Variants in FTCDNL1 observed in about 807,000 individuals in gnomAD.
FTCDNL1 encodes formiminotransferase cyclodeaminase N-terminal like, also known as formiminotransferase N-terminal subdomain-containing protein.
A neutral mutation model predicts 5.9 loss-of-function variants in FTCDNL1; 11 were observed. That is an observed-to-expected ratio of 1.87 (90% confidence interval 1.18 to 3.10). The LOEUF (loss-of-function observed/expected upper bound fraction) is 3.10. FTCDNL1 is among the 30% of genes most tolerant of loss of function. The pLI is 0.00. For synonymous variants in FTCDNL1, 58 were observed against 24.8 expected, an observed-to-expected ratio of 2.34 and a Z score of -3.99; for missense variants, 115 against 65.5, an observed-to-expected ratio of 1.76 and a Z score of -2.61.
chr2:199,732,827 C>A, the FTCDNL1 span, among the ~76,000 whole-genome samples: 7 of 152,176 alleles, frequency 4.6e-5, no homozygotes, highest in Non-Finnish European at 8.8e-5. Context: ...GATCAAGGGA[C>A]AATTAACTCT....
At chr2:199,827,406 T>G (rs541390724) in intron 3 of FTCDNL1, among the ~76,000 whole-genome samples, 1 of 152,282 alleles carries the variant, frequency 6.6e-6, no homozygotes, top group African/African-American at 2.4e-5. Flanking sequence ...TGAGCCATGT[T>G]AGATCCAGAT....
At chr2:199,672,972 C>A in the FTCDNL1 span, among the ~76,000 whole-genome samples, 1 of 152,048 alleles carries the variant, frequency 6.6e-6, no homozygotes, top group Non-Finnish European at 1.5e-5. Flanking sequence ...AAAGAATTTG[C>A]AGATTCTTTT....
rs1350307261 is a variant in FTCDNL1 at position 199,763,638 on chromosome 2, T to C, written c.212-2803A>G. 3.3e-5 allele frequency among the ~76,000 whole-genome samples: 5 copies of C among 152,240 alleles called. No individual in the cohort carries two copies. The East Asian group carries it at 9.7e-4, about 29-fold the overall frequency. ...GGATGAGACAACTTGGGGATTTGAA[T>C]GCCGAGACTATTTCATAGGGAAGGA... On this transcript the variant is annotated intron_variant, in intron 3 of 3. Transcript: ENST00000416668.
chr2:199,665,019 A>C, the FTCDNL1 span, among the ~76,000 whole-genome samples: 4 of 152,190 alleles, frequency 2.6e-5, no homozygotes, highest in African/African-American at 9.7e-5. Context: ...GTCCAAGTAC[A>C]CTCTCAACAT....
At chr2:199,793,137 T>C (rs913897003) in intron 3 of FTCDNL1, among the ~76,000 whole-genome samples, 1 of 152,184 alleles carries the variant, frequency 6.6e-6, no homozygotes, top group African/African-American at 2.4e-5. Context: ...TTGCTGCTCT[T>C]ATACATATGG....
chr2:199,791,423 G>C (rs1320841719), intron 3 of FTCDNL1, among the ~76,000 whole-genome samples: 1 of 151,976 alleles, frequency 6.6e-6, no homozygotes, highest in African/African-American at 2.4e-5. Context: ...TTTAAAAATA[G>C]AAAAATTTAA....
chr2:199,707,797 A>T, the FTCDNL1 span, among the ~76,000 whole-genome samples: 1 of 152,114 alleles, frequency 6.6e-6, no homozygotes, highest in Admixed American at 6.6e-5. Context: ...ATTTGTGAAC[A>T]GAAGTCTGCA....
chr2:199,679,066 C>G, the FTCDNL1 span, among the ~76,000 whole-genome samples: 4 of 152,128 alleles, frequency 2.6e-5, no homozygotes, highest in Non-Finnish European at 4.4e-5. Context: ...GAGGACCCAT[C>G]TTACCGGCAT....
exon 4 of FTCDNL1, chr2:199,760,715 T>C (rs1698229416): frequency 2.9e-6 from 2 of 693,776 alleles, no homozygotes; most frequent in Admixed American, 4.0e-5. Context: ...AATGGTACTG[T>C]GTGTTGGTTT....
At chr2:199,710,222 G>T in the FTCDNL1 span, among the ~76,000 whole-genome samples, 1 of 152,066 alleles carries the variant, frequency 6.6e-6, no homozygotes, top group African/African-American at 2.4e-5. Flanking sequence ...GATTTCACTA[G>T]TTAAAATGTG....
the FTCDNL1 span, among the ~76,000 whole-genome samples, chr2:199,737,922 G>C: frequency 1.3e-5 from 2 of 152,178 alleles, no homozygotes; most frequent in Non-Finnish European, 2.9e-5. Flanking sequence ...ACTTGAACCT[G>C]AGACATAAGG....
rs180793335 is a variant in FTCDNL1 at position 199,797,375 on chromosome 2, G to A, written c.212-36540C>T. The stretch of plus-strand genomic sequence containing the variant: ...GGTAGAAATACCTGAAATTTCATGC[G>A]TTTGAGTGTCTTAATTCTTTTTTTA... On this transcript the variant is annotated intron_variant, in intron 3 of 3. Coordinates refer to the FTCDNL1 transcript ENST00000416668. Among the ~76,000 whole-genome samples, 495 of 152,240 alleles carry A rather than the reference G, an allele frequency of 3.3e-3. 2 individuals are homozygous for A. The highest frequency in any genetic ancestry group is 9.3e-3 in the South Asian group (45 of 4,820).
At chr2:199,836,179 G>A (rs1263277043) in intron 3 of FTCDNL1, among the ~76,000 whole-genome samples, 1 of 151,960 alleles carries the variant, frequency 6.6e-6, no homozygotes, top group Non-Finnish European at 1.5e-5. Flanking sequence ...TTTGTTTTGT[G>A]TTTGAGATAG....
At chr2:199,735,115 G>GAAAAAAAA in the FTCDNL1 span, among the ~76,000 whole-genome samples, 2,091 of 81,470 alleles carry the variant, frequency 0.026, 88 homozygotes, top group East Asian at 0.14. Context: ...ACTACCTTTA[G>GAAAAAAAA]AAAAAAAAAA....
At chr2:199,731,865 G>T in the FTCDNL1 span, among the ~76,000 whole-genome samples, 1 of 151,114 alleles carries the variant, frequency 6.6e-6, no homozygotes, top group Non-Finnish European at 1.5e-5. Flanking sequence ...TCCAGCCTGG[G>T]CGACAGAGCG....
the FTCDNL1 span, among the ~76,000 whole-genome samples, chr2:199,669,269 G>T: frequency 4.6e-5 from 7 of 152,058 alleles, no homozygotes. Context: ...GAATATTTTA[G>T]ATAGGTCTTC....
the FTCDNL1 span, among the ~76,000 whole-genome samples, chr2:199,726,335 C>A: frequency 3.6e-3 from 542 of 152,252 alleles, 3 homozygotes; most frequent in African/African-American, 0.012. Flanking sequence ...TTAGAATATA[C>A]CCCTTTAACT....
the FTCDNL1 span, among the ~76,000 whole-genome samples, chr2:199,673,114 G>A: frequency 1.3e-5 from 2 of 151,972 alleles, no homozygotes; most frequent in African/African-American, 4.8e-5. Flanking sequence ...GATCACTTGA[G>A]GCCAGGAGTT....
At chr2:199,844,619 T>C (rs2106634303) in intron 3 of FTCDNL1, 1 of 425,430 alleles carries the variant, frequency 2.4e-6, no homozygotes. Context: ...CCCCTAGTTG[T>C]TTTTCTTCTG....
Sources: gnomAD v4.1 joint callset for allele counts (sites outside exome capture counted in the v4.1 genomes callset) on GRCh38, gnomAD v4.1.1 for gene constraint, MANE v1.5 for transcripts, NCBI Gene and HGNC (gene_info 2026-07-23, HGNC 2026-07-21) for gene names.